The following SAMD5 variants were observed in gnomAD, a reference collection of about 807,000 sequenced individuals.
SAMD5 encodes sterile alpha motif domain-containing protein 5.
Under a neutral mutation model 11.3 loss-of-function variants are expected in SAMD5, and 13 were observed. The observed-to-expected ratio is 1.15, with a 90% confidence interval of 0.75 to 1.83. The LOEUF (loss-of-function observed/expected upper bound fraction) is 1.83. Ranked by LOEUF, SAMD5 falls within the 40% of genes most tolerant of loss-of-function variation. The pLI, the probability that SAMD5 is intolerant of heterozygous loss-of-function variation, is 0.00. For synonymous variants in SAMD5, 129 were observed against 111.3 expected (o/e 1.16, Z -1.00); for missense variants, 255 against 239.1 (o/e 1.07, Z -0.44).
the SAMD5 span, among the ~76,000 whole-genome samples, chr6:147,841,816 C>T: frequency 1.3e-5 from 2 of 152,046 alleles, no homozygotes; most frequent in Non-Finnish European, 2.9e-5. Context: ...GGGAAAAGCA[C>T]CTCAGTAGGC....
intron 1 of SAMD5, among the ~76,000 whole-genome samples, chr6:147,626,481 G>A (rs1350895138): frequency 1.3e-5 from 2 of 150,906 alleles, no homozygotes; most frequent in Non-Finnish European, 2.9e-5. Flanking sequence ...TCATTATGTA[G>A]TAGAACACTG....
At position 147,706,284 on chromosome 6, in the gene SAMD5, C is replaced by T. The variant is rs13200684; in HGVS notation, c.163-31033C>T. On this transcript the variant is annotated intron_variant, in intron 1 of 1. Transcript: ENST00000566741. ...TTACCCAGGCTGGAGTGCAGTGGCG[C>T]GATCTTGGCTCACTGCAACCTCTGC... Among the ~76,000 whole-genome samples, 829 of 152,138 alleles carry T rather than the reference C, an allele frequency of 5.4e-3. 4 individuals carry two copies. The highest frequency in any genetic ancestry group is 8.8e-3 in the Non-Finnish European group (595 of 67,992).
chr6:147,821,468 C>G, the SAMD5 span, among the ~76,000 whole-genome samples: 2 of 152,200 alleles, frequency 1.3e-5, no homozygotes, highest in African/African-American at 4.8e-5. Flanking sequence ...CTGACAGTCA[C>G]AAAGGCAGCC....
At chr6:147,880,404 C>T in the SAMD5 span, among the ~76,000 whole-genome samples, 9 of 152,138 alleles carry the variant, frequency 5.9e-5, no homozygotes, top group Admixed American at 2.6e-4. Flanking sequence ...CACAGATGAC[C>T]TCTGCCCCCT....
chr6:147,666,890 C>G (rs1790730274), intron 1 of SAMD5, among the ~76,000 whole-genome samples: 1 of 152,168 alleles, frequency 6.6e-6, no homozygotes, highest in African/African-American at 2.4e-5. Context: ...TTTCCCCTGG[C>G]CCTTTCCCTA....
intron 1 of SAMD5, chr6:147,737,167 AT>A (rs1041381542): frequency 2.4e-5 from 7 of 287,166 alleles, no homozygotes; most frequent in Admixed American, 1.4e-4. Context: ...ATAGTAATGT[AT>A]TTTTTTATCA....
chr6:147,512,277 G>A (rs77741128), intron 1 of SAMD5, among the ~76,000 whole-genome samples: 8,475 of 152,238 alleles, frequency 0.056, 301 homozygotes, highest in Admixed American at 0.088. Flanking sequence ...TATTTTTGAT[G>A]TGCATTTGGA....
chr6:147,784,086 C>T, the SAMD5 span, among the ~76,000 whole-genome samples: 12 of 152,144 alleles, frequency 7.9e-5, no homozygotes, highest in East Asian at 1.9e-4. Flanking sequence ...TTGCCTCGAC[C>T]GTCTCTGAAT....
chr6:147,666,287 T>C (rs569918275), intron 1 of SAMD5, among the ~76,000 whole-genome samples: 266 of 152,368 alleles, frequency 1.7e-3, no homozygotes, highest in African/African-American at 5.8e-3. Context: ...AAATTTGTCT[T>C]ACTCTGACTT....
At chr6:147,695,357 C>T (rs553310662) in intron 1 of SAMD5, among the ~76,000 whole-genome samples, 20 of 152,108 alleles carry the variant, frequency 1.3e-4, no homozygotes, top group African/African-American at 4.1e-4. Flanking sequence ...CAAAAGCCTT[C>T]GTTACGCTTA....
chr6:147,625,041 C>T (rs1790030671), intron 1 of SAMD5, among the ~76,000 whole-genome samples: 1 of 152,138 alleles, frequency 6.6e-6, no homozygotes, highest in Non-Finnish European at 1.5e-5. Flanking sequence ...TAGAAGCAGG[C>T]GTGACACTTG....
At chr6:147,928,503 C>G in the SAMD5 span, among the ~76,000 whole-genome samples, 1 of 151,796 alleles carries the variant, frequency 6.6e-6, no homozygotes, top group Non-Finnish European at 1.5e-5. Context: ...CTGTGGCATC[C>G]GTGGTAACAT....
At chr6:147,675,772 A>C (rs1416173440) in intron 1 of SAMD5, among the ~76,000 whole-genome samples, 1 of 152,166 alleles carries the variant, frequency 6.6e-6, no homozygotes, top group African/African-American at 2.4e-5. Flanking sequence ...TAACACCTTC[A>C]TAGAATCCAT....
At chr6:147,890,144 T>C in the SAMD5 span, among the ~76,000 whole-genome samples, 2 of 151,642 alleles carry the variant, frequency 1.3e-5, no homozygotes, top group Non-Finnish European at 2.9e-5. Flanking sequence ...AAGACAAACG[T>C]GAGATTGAGG....
chr6:147,643,892 A>G (rs1790354674), intron 1 of SAMD5, among the ~76,000 whole-genome samples: 1 of 152,180 alleles, frequency 6.6e-6, no homozygotes, highest in Admixed American at 6.5e-5. Flanking sequence ...GAAAGAAATG[A>G]TAAGTTCCTA....
At chr6:147,699,816 T>C (rs1791227302) in intron 1 of SAMD5, among the ~76,000 whole-genome samples, 2 of 152,232 alleles carry the variant, frequency 1.3e-5, no homozygotes, top group South Asian at 2.1e-4. Context: ...CTCAGGGTAC[T>C]ATGAAGCTGC....
the SAMD5 span, among the ~76,000 whole-genome samples, chr6:147,937,629 GA>G: frequency 6.6e-6 from 1 of 152,182 alleles, no homozygotes; most frequent in African/African-American, 2.4e-5. Context: ...CGTTTCAGGG[GA>G]ATGGTTCAAA....
At chr6:147,705,291 A>G (rs2128458137) in intron 1 of SAMD5, among the ~76,000 whole-genome samples, 1 of 152,334 alleles carries the variant, frequency 6.6e-6, no homozygotes, top group East Asian at 1.9e-4. Context: ...GTAGATATCT[A>G]TAAAGTTAAC....
chr6:147,830,220 C>CCCAA, the SAMD5 span, among the ~76,000 whole-genome samples: 5 of 150,688 alleles, frequency 3.3e-5, no homozygotes, highest in African/African-American at 1.2e-4. Flanking sequence ...TCTACTCCCT[C>CCCAA]CCAATAAGCT....
Sources: allele counts gnomAD v4.1 joint callset (sites outside exome capture counted in the v4.1 genomes callset), GRCh38; gene constraint gnomAD v4.1.1; transcripts MANE v1.5; gene names NCBI Gene and HGNC (gene_info 2026-07-23, HGNC 2026-07-21).